CNTN1: variants seen among roughly 807,000 people sequenced by gnomAD.
CNTN1 encodes contactin 1.
CNTN1 carries 38 observed loss-of-function variants against 126.4 expected under a neutral mutation model. The observed-to-expected ratio is 0.30, with a 90% CI of 0.23 to 0.39. The LOEUF is 0.39. Among genes scored for constraint, CNTN1 ranks in the 10% least tolerant of loss-of-function variants. The probability of loss-of-function intolerance (pLI) is 1.00; values close to 1 mark genes in which losing one functional copy is unlikely to be tolerated. For missense variants in CNTN1, 1,009 were observed against 1,248.4 expected (o/e 0.81, Z 2.89); for synonymous variants, 413 against 422.6 (o/e 0.98, Z 0.28).
intron 1 of CNTN1, among the ~76,000 whole-genome samples, chr12:40,837,438 C>A (rs536670918): frequency 6.6e-6 from 1 of 152,154 alleles, no homozygotes; most frequent in Non-Finnish European, 1.5e-5. Context: ...TGGAATTATG[C>A]AGTCCTGACT....
chr12:40,921,446 C>A (rs1463270772), intron 4 of CNTN1, among the ~76,000 whole-genome samples: 1 of 152,184 alleles, frequency 6.6e-6, no homozygotes. Flanking sequence ...TTTCTACATG[C>A]ATTCTTTTCA....
chr12:40,917,225 T>C (rs1945278052), intron 3 of CNTN1, among the ~76,000 whole-genome samples: 1 of 152,018 alleles, frequency 6.6e-6, no homozygotes. Flanking sequence ...GAATAGCTTA[T>C]ATACATAAGA....
chr12:41,034,535 G>C (rs906163261), intron 23 of CNTN1, among the ~76,000 whole-genome samples: 2 of 152,164 alleles, frequency 1.3e-5, no homozygotes, highest in Non-Finnish European at 2.9e-5. Context: ...ATTACATTTA[G>C]TCTGTGATTA....
intron 1 of CNTN1, among the ~76,000 whole-genome samples, chr12:40,731,210 G>A (rs544216477): frequency 6.6e-5 from 10 of 151,952 alleles, no homozygotes; most frequent in South Asian, 2.1e-4. Context: ...GAAAACAAAG[G>A]AGAAAAGAAA....
intron 23 of CNTN1, among the ~76,000 whole-genome samples, chr12:41,031,313 G>A (rs897276258): frequency 6.6e-6 from 1 of 152,124 alleles, no homozygotes; most frequent in African/African-American, 2.4e-5. Flanking sequence ...TCCAAGTGAT[G>A]TCACTTAATA....
chr12:40,766,461 A>G (rs112763641), intron 1 of CNTN1, among the ~76,000 whole-genome samples: 228 of 152,312 alleles, frequency 1.5e-3, no homozygotes, highest in African/African-American at 5.2e-3. Flanking sequence ...TGAAATAATC[A>G]GAGAACTGTA....
At chr12:41,052,986 G>A (rs554169239) in intron 23 of CNTN1, among the ~76,000 whole-genome samples, 1 of 151,816 alleles carries the variant, frequency 6.6e-6, no homozygotes, top group South Asian at 2.1e-4. Context: ...GAATTAAAAA[G>A]CACTTACATA....
chr12:40,698,286 A>G (rs1481983625), intron 1 of CNTN1, among the ~76,000 whole-genome samples: 1 of 118,360 alleles, frequency 8.4e-6, no homozygotes, highest in Non-Finnish European at 1.6e-5. Flanking sequence ...CCCAGGCTGG[A>G]GTGCAGTGGC....
intron 12 of CNTN1, among the ~76,000 whole-genome samples, chr12:40,939,776 A>G (rs577254893): frequency 6.6e-6 from 1 of 152,234 alleles, no homozygotes; most frequent in South Asian, 2.1e-4. Flanking sequence ...CACAGCTAAT[A>G]AACAATGGGA....
intron 23 of CNTN1, among the ~76,000 whole-genome samples, chr12:41,045,116 C>G (rs1307751856): frequency 6.6e-6 from 1 of 151,988 alleles, no homozygotes; most frequent in Non-Finnish European, 1.5e-5. Context: ...ATTCTTTACA[C>G]TCAAGTGGAT....
intron 1 of CNTN1, among the ~76,000 whole-genome samples, chr12:40,721,328 C>A (rs1007070385): frequency 6.6e-6 from 1 of 152,030 alleles, no homozygotes; most frequent in African/African-American, 2.4e-5. Flanking sequence ...TAAAAATAGG[C>A]AGGACCACCT....
intron 1 of CNTN1, among the ~76,000 whole-genome samples, chr12:40,892,318 T>A (rs75301394): frequency 0.098 from 14,906 of 152,118 alleles, 861 homozygotes; most frequent in Non-Finnish European, 0.13. Flanking sequence ...CTCCTTAAAG[T>A]GTTGCTCTCA....
chr12:41,021,024 CTA>C (rs1214026201), intron 20 of CNTN1, among the ~76,000 whole-genome samples: 1 of 152,078 alleles, frequency 6.6e-6, no homozygotes, highest in Non-Finnish European at 1.5e-5. Flanking sequence ...AAAATCAAAA[CTA>C]GAGAGATTAG....
At chr12:41,005,057 G>C (rs1043520318) in intron 17 of CNTN1, 2 of 152,150 alleles carry the variant, frequency 1.3e-5, no homozygotes, top group Admixed American at 6.5e-5. Context: ...TGTTTTTGTG[G>C]TGTCTGGTGC....
At chr12:40,926,907 A>G (rs1469241288) in intron 6 of CNTN1, among the ~76,000 whole-genome samples, 1 of 152,234 alleles carries the variant, frequency 6.6e-6, no homozygotes, top group South Asian at 2.1e-4. Context: ...TTGCTGTGAG[A>G]TCCTAAAAGA....
At chr12:41,009,699 G>T (rs925965358) in intron 17 of CNTN1, among the ~76,000 whole-genome samples, 5 of 152,194 alleles carry the variant, frequency 3.3e-5, no homozygotes, top group African/African-American at 4.8e-5. Flanking sequence ...GCATCATCAG[G>T]TTATTAGTAA....
chr12:40,820,933 G>A (rs1941423323), intron 1 of CNTN1, among the ~76,000 whole-genome samples: 1 of 152,152 alleles, frequency 6.6e-6, no homozygotes, highest in East Asian at 1.9e-4. Flanking sequence ...GCAATCCCAA[G>A]GATGTTTTTC....
chr12:40,704,004 G>A (rs1164933027), intron 1 of CNTN1, among the ~76,000 whole-genome samples: 1 of 152,084 alleles, frequency 6.6e-6, no homozygotes, highest in Non-Finnish European at 1.5e-5. Flanking sequence ...GACAAATAAA[G>A]ACCTGGAGGC....
intron 1 of CNTN1, among the ~76,000 whole-genome samples, chr12:40,716,733 C>G (rs943211764): frequency 1.3e-5 from 2 of 152,132 alleles, no homozygotes; most frequent in African/African-American, 4.8e-5. Context: ...GATCTCATTA[C>G]GTAGTTACAG....
Sources: allele counts gnomAD v4.1 joint callset (sites outside exome capture counted in the v4.1 genomes callset), GRCh38; gene constraint gnomAD v4.1.1; transcripts MANE v1.5; gene names NCBI Gene and HGNC (gene_info 2026-07-23, HGNC 2026-07-21).